ABCB1: variants seen among roughly 807,000 people sequenced by gnomAD.
ABCB1 encodes the protein ATP binding cassette subfamily B member 1.
A neutral mutation model predicts 142.0 loss-of-function variants in ABCB1; 69 were observed. The ratio of observed to expected loss-of-function variants is 0.49; its 90% confidence interval spans 0.40 to 0.59. The LOEUF is 0.59. Ranked by LOEUF, ABCB1 falls within the 20% of genes least tolerant of loss-of-function variation. ABCB1 has a pLI of 0.00. For missense variants in ABCB1, 1,326 were observed against 1,554.7 expected (o/e 0.85, Z 2.47); for synonymous variants, 532 against 539.2 (o/e 0.99, Z 0.18).
intron 15 of ABCB1, among the ~76,000 whole-genome samples, 197 bp from the exon 16 acceptor site, chr7:87,545,196 A>G (rs1049849563): frequency 2.6e-5 from 4 of 152,134 alleles, no homozygotes; most frequent in Non-Finnish European, 5.9e-5. Flanking sequence ...AACGAAAACC[A>G]CCAAAGAAGA....
intron 1 of ABCB1, among the ~76,000 whole-genome samples, chr7:87,637,326 A>C (rs918066047): frequency 6.6e-6 from 1 of 152,080 alleles, no homozygotes; most frequent in African/African-American, 2.4e-5. Context: ...AATACCTATA[A>C]CTTTATATTA....
chr7:87,566,244 GA>G lies in ABCB1; in HGVS notation c.531-4del. 4 of 1,613,484 alleles carry G rather than the reference GA, an allele frequency of 2.5e-6. No individual in the cohort carries two copies. The highest frequency in any genetic ancestry group is 3.4e-6 in the Non-Finnish European group (4 of 1,179,436). On this transcript the variant is annotated splice_region_variant and splice_polypyrimidine_tract_variant and intron_variant, in intron 6 of 27. Transcript: ENST00000622132. ...CTTCATTAATCTTGGAGACATCACT[GA>G]AAGAACAGATAGTGTTAGAAATAAT...
chr7:87,631,460 G>T (rs1372351729), intron 1 of ABCB1, among the ~76,000 whole-genome samples: 2 of 152,024 alleles, frequency 1.3e-5, no homozygotes, highest in African/African-American at 4.8e-5. Context: ...GCGCGATCTC[G>T]GCTCACTGCA....
intron 1 of ABCB1, among the ~76,000 whole-genome samples, chr7:87,676,073 A>C (rs1200920674): frequency 2.6e-5 from 4 of 152,078 alleles, no homozygotes; most frequent in African/African-American, 9.7e-5. Context: ...CAAAAAGTTA[A>C]AAAATTAGCC....
At chr7:87,564,346 C>T (rs78711460) in intron 7 of ABCB1, among the ~76,000 whole-genome samples, 2,504 of 152,226 alleles carry the variant, frequency 0.016, 29 homozygotes, top group African/African-American at 0.022. Context: ...GCTTCTGGGG[C>T]TCCCACTGGC....
At chr7:87,532,295 G>T (rs184994397) in intron 20 of ABCB1, among the ~76,000 whole-genome samples, 2 of 152,194 alleles carry the variant, frequency 1.3e-5, no homozygotes, top group African/African-American at 4.8e-5. Flanking sequence ...TTCTGAAAAG[G>T]GGCTGGGTAA....
rs1563051324 is a variant in ABCB1 at position 87,557,109 on chromosome 7, C to T, written c.828-3177G>A. Among the ~76,000 whole-genome samples, 3 of 152,218 alleles carry T rather than the reference C, an allele frequency of 2.0e-5. No homozygotes were observed. The South Asian group carries it at 6.2e-4, about 31-fold the overall frequency. ...CTTGACCATTCATCATCCTCACACT[C>T]TTTGATTCTTTCAGATCACATTTTT... On this transcript the variant is annotated intron_variant, in intron 8 of 27. Transcript: ENST00000622132.
At chr7:87,562,814 A>G (rs1359661215) in intron 7 of ABCB1, among the ~76,000 whole-genome samples, 1 of 151,748 alleles carries the variant, frequency 6.6e-6, no homozygotes, top group African/African-American at 2.4e-5. Flanking sequence ...CAAGGATATG[A>G]AAAGGCCAGG....
chr7:87,631,177 T>G (rs1309784492), intron 1 of ABCB1, among the ~76,000 whole-genome samples: 2 of 152,236 alleles, frequency 1.3e-5, no homozygotes, highest in Non-Finnish European at 1.5e-5. Flanking sequence ...ATTATCCATG[T>G]GTAGTAATGG....
intron 4 of ABCB1, among the ~76,000 whole-genome samples, chr7:87,583,673 A>G (rs1422573449): frequency 6.6e-6 from 1 of 152,208 alleles, no homozygotes. Context: ...CTAGATCATC[A>G]TCTGTTTGGG....
intron 27 of ABCB1, among the ~76,000 whole-genome samples, chr7:87,505,349 C>G (rs1179980309): frequency 1.3e-5 from 2 of 152,132 alleles, no homozygotes; most frequent in Admixed American, 6.5e-5. Context: ...ATGTGTTTAC[C>G]TTAGTTTCAA....
At chr7:87,539,511 T>A (rs1438614203) in intron 18 of ABCB1, among the ~76,000 whole-genome samples, 166 bp from the exon 19 acceptor site, 1 of 152,146 alleles carries the variant, frequency 6.6e-6, no homozygotes, top group Non-Finnish European at 1.5e-5. Context: ...GCTGTACGGG[T>A]GGTGTAGACA....
chr7:87,599,682 A>G (rs896220967), intron 2 of ABCB1, among the ~76,000 whole-genome samples: 17 of 152,240 alleles, frequency 1.1e-4, no homozygotes, highest in African/African-American at 4.1e-4. Context: ...ATAAGTTCCA[A>G]TGTTCGATAG....
intron 1 of ABCB1, among the ~76,000 whole-genome samples, chr7:87,683,864 G>A (rs1189947789): frequency 1.3e-5 from 2 of 152,058 alleles, no homozygotes; most frequent in Non-Finnish European, 2.9e-5. Context: ...TATCTGCAAA[G>A]CACAATAAAG....
At chr7:87,597,234 C>T (rs1209236212) in intron 2 of ABCB1, among the ~76,000 whole-genome samples, 1 of 151,950 alleles carries the variant, frequency 6.6e-6, no homozygotes, top group Non-Finnish European at 1.5e-5. Context: ...CAAACTCTCA[C>T]CCCTACTAGA....
intron 1 of ABCB1, among the ~76,000 whole-genome samples, chr7:87,606,294 A>G (rs1819650036): frequency 6.6e-6 from 1 of 152,162 alleles, no homozygotes; most frequent in African/African-American, 2.4e-5. Context: ...AAATGAGACT[A>G]TCACATGCTC....
chr7:87,653,236 T>C (rs1823757135), intron 1 of ABCB1, among the ~76,000 whole-genome samples: 1 of 152,066 alleles, frequency 6.6e-6, no homozygotes, highest in Non-Finnish European at 1.5e-5. Flanking sequence ...TTTGAACTTT[T>C]ATTTATTTAT....
At chr7:87,515,548 C>T in intron 24 of ABCB1, 120 bp from the exon 25 acceptor site, 1 of 703,474 alleles carries the variant, frequency 1.4e-6, no homozygotes, top group Non-Finnish European at 2.4e-6. Flanking sequence ...ATTGGCTTCA[C>T]TTCAAACTGC....
At chr7:87,630,154 TG>T (rs1554446409) in intron 1 of ABCB1, among the ~76,000 whole-genome samples, 58 of 152,312 alleles carry the variant, frequency 3.8e-4, no homozygotes, top group Non-Finnish European at 4.4e-5. Flanking sequence ...CAGATGATGA[TG>T]AAACTTTTTC....
Sources: gnomAD v4.1 joint callset for allele counts (sites outside exome capture counted in the v4.1 genomes callset) on GRCh38, gnomAD v4.1.1 for gene constraint, MANE v1.5 for transcripts, NCBI Gene and HGNC (gene_info 2026-07-23, HGNC 2026-07-21) for gene names.